Variants in TEX36 observed in about 807,000 individuals in gnomAD.
TEX36 encodes the protein testis expressed 36.
In TEX36, 12 loss-of-function variants were observed where a neutral mutation model predicts 13.6. That is an observed-to-expected ratio of 0.88 (90% CI 0.56 to 1.43). The LOEUF (loss-of-function observed/expected upper bound fraction) is 1.43, where lower values mean the gene tolerates loss of function less well. TEX36 is among the 40% of genes most tolerant of loss of function. The pLI is 0.00. For missense variants in TEX36, 224 were observed against 228.3 expected, an observed-to-expected ratio of 0.98 and a Z score of 0.12; for synonymous variants, 93 against 83.0, an observed-to-expected ratio of 1.12 and a Z score of -0.65.
At chr10:125,667,061 T>C (rs1722219560) in intron 1 of TEX36, 42 of 1,390,596 alleles carry the variant, frequency 3.0e-5, no homozygotes, top group African/African-American at 4.3e-5. Context: ...GGCTCGGCCA[T>C]AGGAGAAGGT....
At chr10:125,615,941 A>G (rs2133555410) in intron 3 of TEX36, among the ~76,000 whole-genome samples, 1 of 152,254 alleles carries the variant, frequency 6.6e-6, no homozygotes, top group Non-Finnish European at 1.5e-5. Context: ...TAAGCTATTG[A>G]TTATTGCCAC....
intron 3 of TEX36, among the ~76,000 whole-genome samples, chr10:125,578,637 A>C (rs1845852903): frequency 6.6e-6 from 1 of 151,766 alleles, no homozygotes; most frequent in African/African-American, 2.4e-5. Flanking sequence ...TCCTCCTCTC[A>C]TTTTCCATCC....
rs558131759 is a variant in TEX36 at position 125,588,634 on chromosome 10, A to T, written c.265-11760T>A. On this transcript the variant is annotated intron_variant, in intron 3 of 3. Coordinates refer to the TEX36 transcript ENST00000532135. Reference sequence around the variant, plus strand: ...GTTTGTTTGTTTGTTTGTTTGTTTGAGATGGAATCTCGAGCTGTCGCCCAT... The same window carrying T: ...GTTTGTTTGTTTGTTTGTTTGTTTGTGATGGAATCTCGAGCTGTCGCCCAT... Among the ~76,000 whole-genome samples the T allele has an allele frequency of 1.5e-4, 22 of 148,490 alleles. No individual in the cohort carries two copies. In the South Asian group the frequency reaches 2.1e-3, roughly 14 times the overall value.
intron 3 of TEX36, among the ~76,000 whole-genome samples, chr10:125,641,634 A>G (rs1251027333): frequency 6.6e-6 from 1 of 152,196 alleles, no homozygotes; most frequent in African/African-American, 2.4e-5. Flanking sequence ...GAAATCTATA[A>G]ACACCTTCAT....
At chr10:125,619,407 A>G (rs1393621216), downstream of TEX36, among the ~76,000 whole-genome samples, 2 of 151,940 alleles carry the variant, frequency 1.3e-5, no homozygotes, top group Admixed American at 6.6e-5. Flanking sequence ...CCCTGCCCCA[A>G]CACCACCACC....
chr10:125,611,377 A>T (rs1846287761), intron 3 of TEX36, among the ~76,000 whole-genome samples: 1 of 152,216 alleles, frequency 6.6e-6, no homozygotes. Flanking sequence ...ATACCTCAGC[A>T]TTCAAATCCC....
intron 3 of TEX36, among the ~76,000 whole-genome samples, chr10:125,588,951 C>T (rs1845990851): frequency 6.6e-6 from 1 of 152,136 alleles, no homozygotes; most frequent in Non-Finnish European, 1.5e-5. Context: ...ACAAGAGATC[C>T]CTCATCACCA....
intron 3 of TEX36, among the ~76,000 whole-genome samples, chr10:125,642,210 G>A (rs1248276070): frequency 2.0e-5 from 3 of 152,194 alleles, no homozygotes; most frequent in Non-Finnish European, 4.4e-5. Flanking sequence ...GCACCTGGTG[G>A]AGAACAAAGC....
chr10:125,630,403 T>A (rs1846537573), intron 3 of TEX36, among the ~76,000 whole-genome samples: 1 of 152,144 alleles, frequency 6.6e-6, no homozygotes, highest in Admixed American at 6.6e-5. Context: ...TCGGTTTTTC[T>A]CAGTGCGTGT....
intron 1 of TEX36, among the ~76,000 whole-genome samples, chr10:125,680,227 G>A (rs1326543211): frequency 2.0e-5 from 3 of 151,994 alleles, no homozygotes; most frequent in East Asian, 1.9e-4. Flanking sequence ...CTTCCCTCTC[G>A]GAAGTTGTGG....
intron 3 of TEX36, among the ~76,000 whole-genome samples, chr10:125,646,186 C>T (rs368530856): frequency 6.6e-6 from 1 of 151,896 alleles, no homozygotes; most frequent in South Asian, 2.1e-4. Flanking sequence ...TATAGCCAGC[C>T]GTGGTGGTGT....
At chr10:125,672,296 T>C (rs1005568758) in intron 1 of TEX36, among the ~76,000 whole-genome samples, 1 of 152,214 alleles carries the variant, frequency 6.6e-6, no homozygotes, top group African/African-American at 2.4e-5. Flanking sequence ...TTAACACTGC[T>C]GTAGCTGTGT....
intron 3 of TEX36, among the ~76,000 whole-genome samples, chr10:125,580,152 T>C (rs1004952261): frequency 4.4e-4 from 67 of 152,302 alleles, no homozygotes; most frequent in African/African-American, 1.5e-3. Context: ...CTCCAACCAA[T>C]GGCTGCTTGG....
At chr10:125,593,650 T>C (rs1430469699) in intron 3 of TEX36, among the ~76,000 whole-genome samples, 3 of 152,218 alleles carry the variant, frequency 2.0e-5, no homozygotes, top group Admixed American at 2.0e-4. Flanking sequence ...CAAAATACAA[T>C]TTTAAAAATG....
intron 3 of TEX36, among the ~76,000 whole-genome samples, chr10:125,622,041 TC>T (rs1846434452): frequency 6.6e-6 from 1 of 152,216 alleles, no homozygotes; most frequent in South Asian, 2.1e-4. Flanking sequence ...GAAACAATAC[TC>T]TACCACCCAT....
At chr10:125,584,568 G>A (rs988127386) in intron 3 of TEX36, among the ~76,000 whole-genome samples, 2 of 152,192 alleles carry the variant, frequency 1.3e-5, no homozygotes, top group African/African-American at 4.8e-5. Context: ...TGTATTTGGA[G>A]ATAGAAGCTT....
intron 3 of TEX36, among the ~76,000 whole-genome samples, chr10:125,657,345 G>T (rs1003319254): frequency 6.6e-6 from 1 of 152,154 alleles, no homozygotes; most frequent in African/African-American, 2.4e-5. Flanking sequence ...GGACTGAGGG[G>T]ACTGGGGAGG....
At position 125,670,651 on chromosome 10, in the gene TEX36, G is replaced by A. The variant is rs934765767; in HGVS notation, c.52-8674C>T. On this transcript the variant is annotated intron_variant, in intron 1 of 3. Transcript: ENST00000368821. ...CAATTGCTTTTGACATTTTAATCAT[G>A]TAATATTTGTTTGCCCTTTCCTATG... 2.6e-5 allele frequency among the ~76,000 whole-genome samples: 4 copies of A among 152,144 alleles called. No homozygotes were observed. The East Asian group carries it at 5.8e-4, about 22-fold the overall frequency.
At chr10:125,661,189 G>C (rs1055651269) in intron 2 of TEX36, 88 bp from the exon 3 acceptor site, 2 of 1,091,716 alleles carry the variant, frequency 1.8e-6, no homozygotes, top group Non-Finnish European at 1.4e-6. Flanking sequence ...AAGGAAGATG[G>C]ATGAGGCAAA....
Sources: gnomAD v4.1 joint callset for allele counts (sites outside exome capture counted in the v4.1 genomes callset) on GRCh38, gnomAD v4.1.1 for gene constraint, MANE v1.5 for transcripts, NCBI Gene and HGNC (gene_info 2026-07-23, HGNC 2026-07-21) for gene names.